SEMA3A: variants seen among roughly 807,000 people sequenced by gnomAD.
The protein encoded by SEMA3A is semaphorin 3A, also known as semaphorin-3A.
SEMA3A carries 29 observed loss-of-function variants against 97.9 expected under a neutral mutation model. The ratio of observed to expected loss-of-function variants is 0.30; its 90% CI spans 0.22 to 0.40. SEMA3A has a LOEUF of 0.40. SEMA3A is among the 10% of genes least tolerant of loss of function. SEMA3A has a pLI of 1.00. For missense variants in SEMA3A, 763 were observed against 951.3 expected, an observed-to-expected ratio of 0.80 and a Z score of 2.60; for synonymous variants, 321 against 323.7, an observed-to-expected ratio of 0.99 and a Z score of 0.09.
At chr7:83,981,264 T>G (rs1038202700) in intron 14 of SEMA3A, 57 bp downstream of exon 14, 1 of 1,580,166 alleles carries the variant, frequency 6.3e-7, no homozygotes, top group Non-Finnish European at 8.6e-7. Flanking sequence ...TATTTCAAAC[T>G]TGGAATCAGA....
intron 1 of SEMA3A, among the ~76,000 whole-genome samples, chr7:84,405,901 A>G (rs1584297985): frequency 6.6e-6 from 1 of 152,132 alleles, no homozygotes; most frequent in Admixed American, 6.6e-5. Context: ...TCAAAGCAGT[A>G]TGTAGAGGGA....
chr7:84,412,173 G>A (rs1448964249), intron 1 of SEMA3A, among the ~76,000 whole-genome samples: 1 of 152,110 alleles, frequency 6.6e-6, no homozygotes, highest in Non-Finnish European at 1.5e-5. Flanking sequence ...TGGCAGGGAG[G>A]CTGTGCTAAC....
intron 1 of SEMA3A, among the ~76,000 whole-genome samples, chr7:84,454,334 G>C (rs1805635253): frequency 6.6e-6 from 1 of 152,136 alleles, no homozygotes; most frequent in Admixed American, 6.5e-5. Context: ...ATCAGACACA[G>C]ATAAGTCATT....
intron 1 of SEMA3A, among the ~76,000 whole-genome samples, chr7:84,385,695 C>T (rs1803379485): frequency 6.6e-6 from 1 of 152,110 alleles, no homozygotes. Flanking sequence ...AGTTGTTATA[C>T]CAAATTATTG....
intron 1 of SEMA3A, among the ~76,000 whole-genome samples, chr7:84,179,166 C>A: frequency 6.6e-6 from 1 of 152,068 alleles, no homozygotes; most frequent in East Asian, 1.9e-4. Flanking sequence ...CAGAACATAT[C>A]GTACTTACCT....
At chr7:84,173,559 CAAAAAAAAAA>C (rs34919422) in intron 1 of SEMA3A, among the ~76,000 whole-genome samples, 8,338 of 80,766 alleles carry the variant, frequency 0.1, 280 homozygotes, top group Non-Finnish European at 0.12. Context: ...AACTCTGTCT[CAAAAAAAAAA>C]AAAAAAAAAA....
intron 1 of SEMA3A, among the ~76,000 whole-genome samples, chr7:84,447,146 G>C (rs890571059): frequency 9.9e-5 from 15 of 152,204 alleles, no homozygotes; most frequent in African/African-American, 3.6e-4. Context: ...GGGTGGTGCT[G>C]ACATGCCAGC....
chr7:84,417,571 T>C (rs1396725388), intron 1 of SEMA3A, among the ~76,000 whole-genome samples: 1 of 152,138 alleles, frequency 6.6e-6, no homozygotes, highest in Non-Finnish European at 1.5e-5. Flanking sequence ...TTAGTGACTT[T>C]ACCTAATACT....
intron 3 of SEMA3A, among the ~76,000 whole-genome samples, chr7:84,244,050 G>A (rs1799425134): frequency 6.6e-6 from 1 of 152,188 alleles, no homozygotes; most frequent in South Asian, 2.1e-4. Flanking sequence ...GTGATGTGGT[G>A]CTGAGAAGAA....
upstream of SEMA3A, among the ~76,000 whole-genome samples, chr7:84,197,832 C>T (rs1040877490): frequency 2.7e-5 from 4 of 148,342 alleles, no homozygotes; most frequent in African/African-American, 1.0e-4. Flanking sequence ...CTCGGCCTCC[C>T]GGGTTCAAGT....
At chr7:83,972,794 G>A (rs977663138) in intron 15 of SEMA3A, among the ~76,000 whole-genome samples, 10 of 152,182 alleles carry the variant, frequency 6.6e-5, no homozygotes, top group East Asian at 5.8e-4. Flanking sequence ...ATAATGATAC[G>A]CAAGCTATTT....
chr7:84,113,901 T>C (rs917789251), intron 3 of SEMA3A, among the ~76,000 whole-genome samples: 3 of 152,104 alleles, frequency 2.0e-5, no homozygotes, highest in African/African-American at 7.2e-5. Context: ...ACCCTTATTT[T>C]TTTAAGGGCC....
chr7:84,081,385 G>T (rs1052167988), intron 4 of SEMA3A, among the ~76,000 whole-genome samples: 1 of 152,110 alleles, frequency 6.6e-6, no homozygotes, highest in African/African-American at 2.4e-5. Flanking sequence ...GAGGTCAGGA[G>T]ATCAAGACCA....
intron 2 of SEMA3A, among the ~76,000 whole-genome samples, chr7:84,331,458 A>G (rs1338713209): frequency 6.6e-6 from 1 of 152,156 alleles, no homozygotes; most frequent in Non-Finnish European, 1.5e-5. Flanking sequence ...TTAATTTTTA[A>G]GTTAAGTTTT....
At chr7:84,445,240 C>T (rs548535324) in intron 1 of SEMA3A, among the ~76,000 whole-genome samples, 29 of 151,574 alleles carry the variant, frequency 1.9e-4, no homozygotes, top group African/African-American at 6.3e-4. Flanking sequence ...TCCTGTAATA[C>T]CAGCATTTTG....
At chr7:84,307,913 T>A (rs1272712292) in intron 2 of SEMA3A, among the ~76,000 whole-genome samples, 1 of 152,066 alleles carries the variant, frequency 6.6e-6, no homozygotes, top group Admixed American at 6.6e-5. Flanking sequence ...ATTGTACACA[T>A]TTCATAGTTG....
intron 3 of SEMA3A, among the ~76,000 whole-genome samples, chr7:84,208,276 C>T (rs931665787): frequency 2.0e-5 from 3 of 152,008 alleles, no homozygotes; most frequent in Non-Finnish European, 4.4e-5. Context: ...CATGGTGAAA[C>T]CCCGCCTCTA....
At chr7:84,444,662 C>A (rs1236635600) in intron 1 of SEMA3A, among the ~76,000 whole-genome samples, 1 of 151,142 alleles carries the variant, frequency 6.6e-6, no homozygotes, top group African/African-American at 2.4e-5. Flanking sequence ...CCCGGCTTCA[C>A]GCCATTCTCC....
chr7:84,354,197 A>T (rs370938888), intron 2 of SEMA3A, among the ~76,000 whole-genome samples: 3 of 151,570 alleles, frequency 2.0e-5, no homozygotes, highest in South Asian at 2.1e-4. Flanking sequence ...TTGACAATGT[A>T]TTTCCCTCAG....
Sources: gnomAD v4.1 joint callset for allele counts (sites outside exome capture counted in the v4.1 genomes callset) on GRCh38, gnomAD v4.1.1 for gene constraint, MANE v1.5 for transcripts, NCBI Gene and HGNC (gene_info 2026-07-23, HGNC 2026-07-21) for gene names.